Variants in GALP observed in about 807,000 individuals in gnomAD.
The protein encoded by GALP is galanin-like peptide.
In GALP, 12 loss-of-function variants were observed where a neutral mutation model predicts 15.2. The ratio of observed to expected loss-of-function variants is 0.79; its 90% CI spans 0.51 to 1.28. The LOEUF (loss-of-function observed/expected upper bound fraction) is 1.28, where lower values mean the gene tolerates loss of function less well. Among genes scored for constraint, GALP ranks in the 50% most tolerant of loss-of-function variants. The pLI is 0.00. For synonymous variants in GALP, 58 were observed against 55.1 expected (o/e 1.05, Z -0.23); for missense variants, 161 against 145.6 (o/e 1.11, Z -0.55).
At chr19:56,178,532 A>C (rs980462565) in intron 2 of GALP, among the ~76,000 whole-genome samples, 40 of 150,310 alleles carry the variant, frequency 2.7e-4, no homozygotes, top group South Asian at 8.4e-4. Flanking sequence ...AAAAAAAAAA[A>C]AAAAAAAAAA....
chr19:56,183,399 C>T (rs1386282185), intron 5 of GALP, among the ~76,000 whole-genome samples, 187 bp downstream of exon 5: 1 of 152,152 alleles, frequency 6.6e-6, no homozygotes, highest in Non-Finnish European at 1.5e-5. Flanking sequence ...CTGGCCTCGA[C>T]TGCTCCCTTC....
rs1175529985 is a variant in GALP, at chr19:56,177,182, C to T, written c.74C>T (p.Ala25Val). Reference sequence around the variant, plus strand: ...AGCCTGGCAGAGACTCCAGCATCCGCACCTGCCCACCGGGTAACGCCTCCC... The same window carrying T: ...AGCCTGGCAGAGACTCCAGCATCCGTACCTGCCCACCGGGTAACGCCTCCC... Reference protein sequence around the residue: ...LLSLAETPASAPAHRGRGGWT... With the variant: ...LLSLAETPASVPAHRGRGGWT... The change falls in exon 2 of 6, where the codon GCA becomes GTA. Residue 25 changes from alanine (A) to valine (V), a missense_variant. Coordinates refer to ENST00000357330, the MANE Select transcript of GALP (RefSeq NM_033106.4). 6.2e-7 allele frequency: 1 copy of T among 1,613,362 alleles called. No individual in the cohort carries two copies. The highest frequency in any genetic ancestry group is 8.5e-7 in the Non-Finnish European group (1 of 1,179,680).
At chr19:56,177,009 C>A (rs2032474624) in intron 1 of GALP, 61 bp from the exon 2 acceptor site, 1 of 790,798 alleles carries the variant, frequency 1.3e-6, no homozygotes, top group Admixed American at 2.3e-5. Flanking sequence ...ATTCCTCTGT[C>A]CTTATCGGAA....
In GALP at chr19:56,185,624, CTT is replaced by C. The variant is rs544353921; in HGVS notation, c.*355_*356del. On this transcript the variant is annotated 3_prime_UTR_variant, in exon 6 of 6. Coordinates refer to ENST00000357330, the MANE Select transcript of GALP (RefSeq NM_033106.4). The stretch of plus-strand genomic sequence containing the variant: ...GCTATTGCATAATACAAATAACCCT[CTT>C]AAGTCTGAGAGTCTGTGTCTTTATT... 228 of 176,824 alleles carry C rather than the reference CTT, an allele frequency of 1.3e-3. No homozygotes were observed. Among genetic ancestry groups the C allele is most frequent in the African/African-American group, 5.1e-3 (217 of 42,408 alleles). The allele number at this position is 176,824 out of a possible 1,614,324, so 11.0% of individuals were successfully genotyped here. A position where few individuals can be genotyped will look rare whatever the true frequency, so the allele number is the denominator to read the frequency against.
Position 56,184,864 on chromosome 19 carries a change from G to T in GALP, c.296-351G>T, listed in dbSNP as rs888409693. ...TAATTCATTTCAAAAGCATGTACTGGACAATACTGGGTATGATACGCTCCC... is the reference window on the plus strand; with the variant it reads ...TAATTCATTTCAAAAGCATGTACTGTACAATACTGGGTATGATACGCTCCC... On this transcript the variant is annotated intron_variant, in intron 5 of 5. Transcript: ENST00000357330. Among the ~76,000 whole-genome samples the T allele has an allele frequency of 5.3e-5, 8 of 152,102 alleles. 1 individual carries two copies. The highest frequency in any genetic ancestry group is 3.3e-4 in the Admixed American group (5 of 15,260).
intron 2 of GALP, among the ~76,000 whole-genome samples, chr19:56,178,769 A>G (rs748245471): frequency 6.6e-5 from 10 of 152,294 alleles, no homozygotes; most frequent in Middle Eastern, 3.4e-3. Flanking sequence ...CGTGATGTGA[A>G]TTAGCTAATT....
chr19:56,180,299 T>C (rs2032541533), intron 2 of GALP, among the ~76,000 whole-genome samples: 1 of 152,228 alleles, frequency 6.6e-6, no homozygotes, highest in Non-Finnish European at 1.5e-5. Flanking sequence ...TCATCCTGCA[T>C]AACTGAAATT....
intron 3 of GALP, among the ~76,000 whole-genome samples, chr19:56,181,893 C>T (rs934720489): frequency 1.3e-5 from 2 of 152,130 alleles, no homozygotes; most frequent in Non-Finnish European, 2.9e-5. Flanking sequence ...GCTGCAGAGA[C>T]AGTGTGGCAG....
intron 3 of GALP, among the ~76,000 whole-genome samples, chr19:56,181,655 G>A (rs1447813525): frequency 6.6e-6 from 1 of 151,824 alleles, no homozygotes; most frequent in Non-Finnish European, 1.5e-5. Flanking sequence ...TGATCCGCCC[G>A]CCTCAGCCTC....
intron 2 of GALP, among the ~76,000 whole-genome samples, chr19:56,180,313 C>A (rs2032541834): frequency 6.6e-6 from 1 of 152,218 alleles, no homozygotes; most frequent in South Asian, 2.1e-4. Flanking sequence ...TGAAATTATA[C>A]CTGTTGAAGA....
At chr19:56,182,750 G>T (rs1474627518) in intron 4 of GALP, among the ~76,000 whole-genome samples, 1 of 152,160 alleles carries the variant, frequency 6.6e-6, no homozygotes, top group African/African-American at 2.4e-5. Context: ...TAGAGATGGG[G>T]TTTCACCATG....
At chr19:56,180,949 G>T (rs570511022) in intron 3 of GALP, among the ~76,000 whole-genome samples, 2 of 117,614 alleles carry the variant, frequency 1.7e-5, no homozygotes, top group East Asian at 5.3e-4. Context: ...ACAGAGTCTC[G>T]CTCTGTTGCC....
intron 1 of GALP, among the ~76,000 whole-genome samples, 179 bp from the exon 2 acceptor site, chr19:56,176,891 G>C (rs1170158119): frequency 6.6e-6 from 1 of 151,974 alleles, no homozygotes; most frequent in Non-Finnish European, 1.5e-5. Context: ...CGATGATGGG[G>C]GAAGGAGAGG....
chr19:56,178,534 AAAAAAAAAG>A (rs1422687478), intron 2 of GALP, among the ~76,000 whole-genome samples: 1 of 150,404 alleles, frequency 6.6e-6, no homozygotes, highest in Non-Finnish European at 1.5e-5. Flanking sequence ...AAAAAAAAAA[AAAAAAAAAG>A]AGACGCCGGC....
chr19:56,182,051 G>A (rs1321786965), intron 3 of GALP, 121 bp from the exon 4 acceptor site: 8 of 737,368 alleles, frequency 1.1e-5, no homozygotes, highest in African/African-American at 3.5e-5. Flanking sequence ...CACGCACCCC[G>A]TCCGACAGAC....
intron 5 of GALP, among the ~76,000 whole-genome samples, chr19:56,184,641 G>A (rs374457296): frequency 6.6e-6 from 1 of 151,558 alleles, no homozygotes; most frequent in African/African-American, 2.4e-5. Flanking sequence ...CCACCACCAC[G>A]CCTGGCTAAT....
intron 1 of GALP, among the ~76,000 whole-genome samples, chr19:56,176,558 G>T (rs36126303): frequency 3.7e-5 from 4 of 108,020 alleles, no homozygotes; most frequent in Non-Finnish European, 7.6e-5. Flanking sequence ...GCCAGCTGCA[G>T]CGGGGTGAGA....
At chr19:56,180,702 T>TTGTGGCTTGTAAAGAC (rs2032549260) in intron 3 of GALP, 68 bp downstream of exon 3, 2 of 1,324,296 alleles carry the variant, frequency 1.5e-6, no homozygotes, top group Non-Finnish European at 2.2e-6. Flanking sequence ...GGCAGTGAGT[T>TTGTGGCTTGTAAAGAC]TGTGGCTTGT....
chr19:56,178,334 G>A (rs1002071907), intron 2 of GALP, among the ~76,000 whole-genome samples: 1 of 151,542 alleles, frequency 6.6e-6, no homozygotes, highest in Non-Finnish European at 1.5e-5. Flanking sequence ...ATGGTCTTGC[G>A]TGACTGTAGT....
Sources: allele counts gnomAD v4.1 joint callset (sites outside exome capture counted in the v4.1 genomes callset), GRCh38; gene constraint gnomAD v4.1.1; transcripts MANE v1.5; gene names NCBI Gene and HGNC (gene_info 2026-07-23, HGNC 2026-07-21).